Variants in DCDC1 observed in about 807,000 individuals in gnomAD.
DCDC1 encodes the protein doublecortin domain-containing protein 1.
In DCDC1, 200 loss-of-function variants were observed where a neutral mutation model predicts 178.3. The observed-to-expected ratio is 1.12, with a 90% CI of 1.00 to 1.26. DCDC1 has a LOEUF of 1.26. Among genes scored for constraint, DCDC1 ranks in the 50% most tolerant of loss-of-function variants. The pLI, the probability that DCDC1 is intolerant of heterozygous loss-of-function variation, is 0.00. For missense variants in DCDC1, 1,983 were observed against 1,749.2 expected (o/e 1.13, Z -2.38); for synonymous variants, 690 against 604.8 (o/e 1.14, Z -2.07).
chr11:31,349,272 T>C (rs904121015), intron 1 of DCDC1, among the ~76,000 whole-genome samples: 6 of 152,348 alleles, frequency 3.9e-5, no homozygotes, highest in Middle Eastern at 3.4e-3. Flanking sequence ...TCTATTGTTA[T>C]GATGAACAAA....
intron 20 of DCDC1, among the ~76,000 whole-genome samples, chr11:30,964,417 T>G (rs761189174): frequency 1.3e-5 from 2 of 152,166 alleles, no homozygotes; most frequent in Non-Finnish European, 2.9e-5. Context: ...TGGAATTTAT[T>G]TGTATTGACA....
chr11:30,905,685 T>C (rs747430752), intron 30 of DCDC1, among the ~76,000 whole-genome samples: 19 of 152,206 alleles, frequency 1.2e-4, no homozygotes, highest in Non-Finnish European at 2.1e-4. Flanking sequence ...TGTCTGAAAT[T>C]CTGTAGCACT....
intron 9 of DCDC1, among the ~76,000 whole-genome samples, chr11:31,226,715 A>C (rs1457502607): frequency 6.6e-6 from 1 of 151,648 alleles, no homozygotes; most frequent in Non-Finnish European, 1.5e-5. Flanking sequence ...CTCTAAAAAA[A>C]AAAAAAAAAG....
At chr11:31,146,555 C>T (rs1385694419) in intron 9 of DCDC1, among the ~76,000 whole-genome samples, 1 of 152,176 alleles carries the variant, frequency 6.6e-6, no homozygotes, top group African/African-American at 2.4e-5. Flanking sequence ...GGAATGTACA[C>T]ATTGACACAG....
intron 9 of DCDC1, among the ~76,000 whole-genome samples, chr11:31,226,874 CTT>C (rs1469866253): frequency 1.3e-5 from 2 of 151,894 alleles, no homozygotes; most frequent in Middle Eastern, 3.2e-3. Flanking sequence ...TTTTAAATCT[CTT>C]TTAAAATTTT....
intron 2 of DCDC1, among the ~76,000 whole-genome samples, chr11:31,328,616 G>C (rs1465082875): frequency 6.6e-6 from 1 of 152,038 alleles, no homozygotes; most frequent in African/African-American, 2.4e-5. Flanking sequence ...GGCTAACACA[G>C]TGAAACCCCG....
intron 8 of DCDC1, among the ~76,000 whole-genome samples, chr11:31,257,274 C>T (rs1313755636): frequency 6.6e-6 from 1 of 152,118 alleles, no homozygotes; most frequent in African/African-American, 2.4e-5. Context: ...GATGAGATAA[C>T]ATTAGATTCA....
intron 3 of DCDC1, among the ~76,000 whole-genome samples, chr11:31,324,168 A>G (rs1949524147): frequency 2.0e-5 from 3 of 152,118 alleles, no homozygotes; most frequent in Non-Finnish European, 4.4e-5. Context: ...TATATACTAC[A>G]TAGAATATAT....
chr11:30,874,319 T>G (rs1197985029), intron 38 of DCDC1, among the ~76,000 whole-genome samples: 1 of 152,170 alleles, frequency 6.6e-6, no homozygotes, highest in Non-Finnish European at 1.5e-5. Context: ...AGCCTGGAAA[T>G]CTGTATTTTA....
At chr11:30,873,211 G>A (rs754827358) in intron 38 of DCDC1, among the ~76,000 whole-genome samples, 4 of 150,736 alleles carry the variant, frequency 2.7e-5, no homozygotes, top group African/African-American at 4.9e-5. Context: ...AGAAGATAGA[G>A]TAATAAAAAT....
Position 31,319,478 on chromosome 11 carries a change from C to T in DCDC1, c.164+8639G>A, listed in dbSNP as rs1428957625. Among the ~76,000 whole-genome samples, 6 of 64,794 alleles carry T rather than the reference C, an allele frequency of 9.3e-5. 1 individual carries two copies. Among genetic ancestry groups the T allele is most frequent in the Non-Finnish European group, 1.6e-4 (6 of 36,504 alleles). 42.5% of individuals were successfully genotyped at this position (64,794 alleles called of 152,430 possible). On this transcript the variant is annotated intron_variant, in intron 3 of 38. Coordinates refer to ENST00000684477, the MANE Select transcript of DCDC1 (RefSeq NM_001387274.1). ...TTTATCAGAGACTAGGATTGCAACC[C>T]CTGCCTTTTTTTGTTTTCCATTGGC...
chr11:31,365,581 G>T (rs1489864257), intron 1 of DCDC1, among the ~76,000 whole-genome samples: 2 of 152,072 alleles, frequency 1.3e-5, no homozygotes, highest in African/African-American at 2.4e-5. Flanking sequence ...CAATTGACTA[G>T]TATGACATCA....
At chr11:30,965,564 G>T (rs889038744) in intron 20 of DCDC1, among the ~76,000 whole-genome samples, 1 of 150,474 alleles carries the variant, frequency 6.6e-6, no homozygotes, top group African/African-American at 2.4e-5. Flanking sequence ...TAGATTGGAA[G>T]ACCTAATATT....
intron 20 of DCDC1, among the ~76,000 whole-genome samples, chr11:30,981,855 G>A (rs1021463632): frequency 2.6e-5 from 4 of 151,910 alleles, no homozygotes; most frequent in Non-Finnish European, 5.9e-5. Flanking sequence ...CCACACGCTG[G>A]GAACACCAAA....
At chr11:31,250,767 T>C (rs1453124618) in intron 8 of DCDC1, among the ~76,000 whole-genome samples, 1 of 151,160 alleles carries the variant, frequency 6.6e-6, no homozygotes. Flanking sequence ...TATTTTTTTT[T>C]TTTTTTGAGA....
intron 9 of DCDC1, among the ~76,000 whole-genome samples, chr11:31,149,436 G>A (rs558988194): frequency 7.2e-5 from 11 of 152,186 alleles, no homozygotes; most frequent in African/African-American, 2.2e-4. Flanking sequence ...TCTGTAAAAT[G>A]GACCAATCAG....
chr11:31,170,790 G>A (rs571055843), intron 9 of DCDC1, among the ~76,000 whole-genome samples: 26 of 152,236 alleles, frequency 1.7e-4, no homozygotes, highest in African/African-American at 6.3e-4. Context: ...GCTTAGCTAA[G>A]ACAGGATAGG....
intron 25 of DCDC1, among the ~76,000 whole-genome samples, chr11:30,920,062 A>G (rs1353491796): frequency 6.6e-6 from 1 of 152,192 alleles, no homozygotes; most frequent in Non-Finnish European, 1.5e-5. Context: ...CAGTGGAGAG[A>G]AATTCATATG....
chr11:31,157,372 A>AAAAAAAAT (rs71060478), intron 9 of DCDC1, among the ~76,000 whole-genome samples: 1 of 96,878 alleles, frequency 1.0e-5, no homozygotes, highest in Non-Finnish European at 2.1e-5. Flanking sequence ...AAAAAAAAAA[A>AAAAAAAAT]ATATATATAT....
Sources: allele counts gnomAD v4.1 joint callset (sites outside exome capture counted in the v4.1 genomes callset), GRCh38; gene constraint gnomAD v4.1.1; transcripts MANE v1.5; gene names NCBI Gene and HGNC (gene_info 2026-07-23, HGNC 2026-07-21).